The following CKM variants were observed in gnomAD, a reference collection of about 807,000 sequenced individuals.
The protein encoded by CKM is creatine kinase M-type.
In CKM, 28 loss-of-function variants were observed where a neutral mutation model predicts 35.4. That is an observed-to-expected ratio of 0.79 (90% CI 0.59 to 1.08). CKM has a LOEUF of 1.08. Among genes scored for constraint, CKM ranks in the 50% least tolerant of loss-of-function variants. The pLI, the probability that CKM is intolerant of heterozygous loss-of-function variation, is 0.00. For missense variants in CKM, 484 were observed against 509.8 expected (o/e 0.95, Z 0.49); for synonymous variants, 215 against 204.4 (o/e 1.05, Z -0.44).
At chr19:45,319,447 G>T in intron 2 of CKM, 74 bp downstream of exon 2, 2 of 1,221,350 alleles carry the variant, frequency 1.6e-6, no homozygotes, top group Non-Finnish European at 2.4e-6. Flanking sequence ...TTCAAGGGTG[G>T]TGGGATTGGG....
At chr19:45,314,988 C>T (rs1416335422) in intron 4 of CKM, among the ~76,000 whole-genome samples, 1 of 152,190 alleles carries the variant, frequency 6.6e-6, no homozygotes, top group Non-Finnish European at 1.5e-5. Flanking sequence ...CTGTGGGAGC[C>T]ACTGTGCCCG....
intron 3 of CKM, among the ~76,000 whole-genome samples, chr19:45,316,772 C>CT (rs200321145): frequency 0.021 from 3,070 of 148,262 alleles, 91 homozygotes; most frequent in African/African-American, 0.071. Flanking sequence ...TCCCCCCACC[C>CT]TTTTTTTTTT....
rs148006250 is a variant in CKM at position 45,312,475 on chromosome 19, C to T, written c.482-555G>A. Among the ~76,000 whole-genome samples the T allele has an allele frequency of 7.9e-3, 1,192 of 150,884 alleles. 9 individuals are homozygous for T. Among genetic ancestry groups the T allele is most frequent in the Non-Finnish European group, 0.012 (841 of 67,794 alleles). On this transcript the variant is annotated intron_variant, in intron 4 of 7. Transcript: ENST00000221476. The stretch of plus-strand genomic sequence containing the variant: ...TTTGCTCTTGTTGCCCAGGCTGGAG[C>T]GCAATGGCGCGATCTTGGCTCACTG...
intron 4 of CKM, among the ~76,000 whole-genome samples, chr19:45,314,977 G>A (rs796920785): frequency 6.6e-6 from 1 of 151,476 alleles, no homozygotes; most frequent in African/African-American, 2.4e-5. Context: ...CTCCCGCACT[G>A]CTGTGGGAGC....
At chr19:45,314,950 G>A (rs893912266) in intron 4 of CKM, among the ~76,000 whole-genome samples, 4 of 151,902 alleles carry the variant, frequency 2.6e-5, no homozygotes, top group East Asian at 1.9e-4. Flanking sequence ...GGGCTCAAGC[G>A]ACCCTCCCTC....
At chr19:45,319,444 G>T (rs1971190694) in intron 2 of CKM, 77 bp downstream of exon 2, 1 of 1,171,294 alleles carries the variant, frequency 8.5e-7, no homozygotes, top group Non-Finnish European at 1.3e-6. Context: ...CCCTTCAAGG[G>T]TGGTGGGATT....
chr19:45,306,671 G>C lies in CKM; in HGVS notation c.*79C>G. 1 of 1,467,860 alleles carries C rather than the reference G, an allele frequency of 6.8e-7. No individual in the cohort carries two copies. The highest frequency in any genetic ancestry group is 9.5e-7 in the Non-Finnish European group (1 of 1,052,854). The allele number at this position is 1,467,860 out of a possible 1,614,324, so 90.9% of individuals were successfully genotyped here. A position where few individuals can be genotyped will look rare whatever the true frequency, so the allele number is the denominator to read the frequency against. On this transcript the variant is annotated 3_prime_UTR_variant, in exon 8 of 8. Transcript: ENST00000221476. The surrounding 1 kb of genome is among the most constrained non-coding windows in gnomAD (Gnocchi z 4.5). Reference sequence around the variant, plus strand: ...ACTCTGGGACAGGGGGCGGGGCGAGGAGTGAGGGAGCAGGACTCTGGTGGG... The same window carrying C: ...ACTCTGGGACAGGGGGCGGGGCGAGCAGTGAGGGAGCAGGACTCTGGTGGG...
At chr19:45,307,074 C>T (rs112805483) in intron 7 of CKM, 146 bp from the exon 8 acceptor site, 4 of 761,116 alleles carry the variant, frequency 5.3e-6, no homozygotes, top group Non-Finnish European at 9.0e-6. Flanking sequence ...CCTGTTCATT[C>T]GTGAGCTCAC....
chr19:45,314,453 C>G (rs1011410160), intron 4 of CKM, among the ~76,000 whole-genome samples: 5 of 151,886 alleles, frequency 3.3e-5, no homozygotes, highest in Non-Finnish European at 7.4e-5. Flanking sequence ...ACACTCTGTC[C>G]CCCAGGCTGG....
At chr19:45,319,428 C>T (rs1971190019) in intron 2 of CKM, 93 bp downstream of exon 2, 5 of 983,982 alleles carry the variant, frequency 5.1e-6, no homozygotes, top group East Asian at 2.6e-5. Flanking sequence ...AAACTGAGGC[C>T]CCCCCCCCTT....
rs932289676 is a variant in CKM, at chr19:45,306,816, C to T, written c.1080G>A (p.Met360Ile). The T allele has an allele frequency of 2.5e-6, 4 of 1,614,204 alleles. No individual in the cohort carries two copies. Among genetic ancestry groups the T allele is most frequent in the Non-Finnish European group, 3.4e-6 (4 of 1,180,030 alleles). Residue 360 changes from methionine to isoleucine, a missense_variant, in exon 8 of 8, where the codon ATG becomes ATA. Coordinates refer to ENST00000221476, the MANE Select transcript of CKM (RefSeq NM_001824.5). The surrounding 1 kb of genome is among the most constrained non-coding windows in gnomAD (Gnocchi z 4.5). ...TCTCCAACTTCTTCTCCATTTCCAC[C>T]ATGAGCTTCACACCATCCACCACCA... ...VQLVVDGVKL[M>I]VEMEKKLEKG...
intron 3 of CKM, among the ~76,000 whole-genome samples, chr19:45,317,080 GTC>G (rs1971165374): frequency 1.3e-5 from 2 of 150,620 alleles, no homozygotes; most frequent in South Asian, 4.2e-4. Flanking sequence ...CTCCTTGGCT[GTC>G]TCTGTGTCTC....
intron 6 of CKM, 149 bp downstream of exon 6, chr19:45,308,260 T>C (rs2123130607): frequency 5.4e-6 from 5 of 925,874 alleles, no homozygotes; most frequent in South Asian, 4.4e-5. Context: ...GGGGGCGGGG[T>C]TTGGCATGGG....
intron 4 of CKM, among the ~76,000 whole-genome samples, chr19:45,313,121 G>C (rs1385433227): frequency 6.6e-6 from 1 of 151,960 alleles, no homozygotes; most frequent in Non-Finnish European, 1.5e-5. Context: ...GCATTTTGCA[G>C]ATACTGTGTT....
At position 45,318,084 on chromosome 19, in the gene CKM, G is replaced by A. The variant is rs140148281; in HGVS notation, c.194-105C>T. On this transcript the variant is annotated intron_variant, in intron 2 of 7. Coordinates refer to ENST00000221476, the MANE Select transcript of CKM (RefSeq NM_001824.5). ...TGGACATGTGTGTCGGGATGGGGGC[G>A]GGTACATTCAATACCTCTGGGTGGG... The A allele has an allele frequency of 1.2e-4, 109 of 913,944 alleles. No individual in the cohort carries two copies. In the East Asian group the frequency reaches 2.6e-3, roughly 22 times the overall value. 56.6% of individuals were successfully genotyped at this position (913,944 alleles called of 1,614,324 possible).
intron 3 of CKM, 31 bp downstream of exon 3, chr19:45,317,794 C>G: frequency 6.2e-7 from 1 of 1,613,450 alleles, no homozygotes; most frequent in South Asian, 1.1e-5. Flanking sequence ...CTCCTCACCC[C>G]TCGGCCCTCC....
At chr19:45,319,012 A>C (rs977809558) in intron 2 of CKM, among the ~76,000 whole-genome samples, 1 of 151,754 alleles carries the variant, frequency 6.6e-6, no homozygotes, top group African/African-American at 2.4e-5. Flanking sequence ...TCATCACCAC[A>C]CTTGGCTAAT....
At chr19:45,308,738 A>G (rs1971079604) in intron 5 of CKM, among the ~76,000 whole-genome samples, 1 of 152,204 alleles carries the variant, frequency 6.6e-6, no homozygotes, top group Non-Finnish European at 1.5e-5. Context: ...TCCTGGGATC[A>G]AGGACTTTTA....
chr19:45,319,705 G>T lies in CKM; in HGVS notation c.9C>A (p.Phe3Leu), dbSNP rs368649875. 2 of 1,614,206 alleles carry T rather than the reference G, an allele frequency of 1.2e-6. No homozygotes were observed. Among genetic ancestry groups the T allele is most frequent in the East Asian group, 4.5e-5 (2 of 44,888 alleles). Residue 3 changes from phenylalanine (F) to leucine (L), a missense_variant, in exon 2 of 8, where the codon TTC becomes TTA. Physicochemically the swap from Phe to Leu is conservative, Grantham distance 22 (BLOSUM62 0). Coordinates refer to ENST00000221476, the MANE Select transcript of CKM (RefSeq NM_001824.5). MP[F>L]GNTHNKFKLN... ...GCTTGAACTTGTTGTGGGTGTTACCGAATGGCATGGTGGCGGTGTAGGAGA... is the reference window on the plus strand; with the variant it reads ...GCTTGAACTTGTTGTGGGTGTTACCTAATGGCATGGTGGCGGTGTAGGAGA...
Sources: gnomAD v4.1 joint callset for allele counts (sites outside exome capture counted in the v4.1 genomes callset) on GRCh38, gnomAD v4.1.1 for gene constraint, Gnocchi (gnomAD v3.1) non-coding constraint, MANE v1.5 for transcripts, NCBI Gene and HGNC (gene_info 2026-07-23, HGNC 2026-07-21) for gene names.